Variants in ZNF846 observed in about 807,000 individuals in gnomAD.
The protein encoded by ZNF846 is zinc finger protein 846, also known as zinc finger protein 420 pseudogene.
In ZNF846, 15 loss-of-function variants were observed where a neutral mutation model predicts 16.0. The observed-to-expected ratio is 0.94, with a 90% CI of 0.63 to 1.45. ZNF846 has a LOEUF of 1.45. Ranked by LOEUF, ZNF846 falls within the 40% of genes most tolerant of loss-of-function variation. The pLI is 0.00. For synonymous variants in ZNF846, 229 were observed against 212.0 expected (o/e 1.08, Z -0.70); for missense variants, 714 against 622.3 (o/e 1.15, Z -1.57).
chr19:9,766,117 T>C (rs1477332346), intron 1 of ZNF846, among the ~76,000 whole-genome samples: 2 of 152,140 alleles, frequency 1.3e-5, no homozygotes, highest in African/African-American at 4.8e-5. Flanking sequence ...TTCATATCTT[T>C]GCTGAAGAAT....
upstream of ZNF846, among the ~76,000 whole-genome samples, chr19:9,773,052 C>G (rs1220540770): frequency 1.3e-5 from 2 of 151,888 alleles, no homozygotes; most frequent in Non-Finnish European, 2.9e-5. Flanking sequence ...TAGAGCCAGA[C>G]CTTGTCTAAA....
upstream of ZNF846, among the ~76,000 whole-genome samples, chr19:9,770,488 T>C (rs1169430716): frequency 6.6e-6 from 1 of 151,826 alleles, no homozygotes; most frequent in Non-Finnish European, 1.5e-5. Flanking sequence ...CTCTTTTTTT[T>C]TTTTTTTTGG....
chr19:9,782,977 A>C (rs2045516871), intron 1 of ZNF846, among the ~76,000 whole-genome samples: 1 of 151,686 alleles, frequency 6.6e-6, no homozygotes, highest in Non-Finnish European at 1.5e-5. Context: ...GATGGAGTGC[A>C]GTAGCATGAT....
intron 1 of ZNF846, among the ~76,000 whole-genome samples, chr19:9,780,053 T>TTTG: frequency 6.7e-6 from 1 of 148,366 alleles, no homozygotes; most frequent in African/African-American, 2.6e-5. Flanking sequence ...ATTTTGTTTT[T>TTTG]TTTTTTGTTT....
chr19:9,761,516 G>T (rs1169073035), intron 4 of ZNF846, among the ~76,000 whole-genome samples: 1 of 151,942 alleles, frequency 6.6e-6, no homozygotes, highest in Non-Finnish European at 1.5e-5. Context: ...TTCGAGAACA[G>T]CCTGGCCAAC....
At chr19:9,757,836 C>G in exon 6 of ZNF846, 1 of 1,613,360 alleles carries the variant, frequency 6.2e-7, no homozygotes, top group Non-Finnish European at 8.5e-7. Context: ...AGTGTGAATC[C>G]TTACATGTTG....
At chr19:9,751,470 C>T (rs541163653), downstream of ZNF846, among the ~76,000 whole-genome samples, 8 of 152,198 alleles carry the variant, frequency 5.3e-5, no homozygotes, top group Admixed American at 3.3e-4. Flanking sequence ...TTGTGACATC[C>T]CCGGCCCTTG....
downstream of ZNF846, chr19:9,755,466 A>T (rs1055897576): frequency 2.6e-5 from 4 of 151,498 alleles, no homozygotes. Flanking sequence ...TTATTCTTCC[A>T]GTGAGTATTT....
At chr19:9,782,950 C>G (rs968495572) in intron 1 of ZNF846, among the ~76,000 whole-genome samples, 1 of 151,098 alleles carries the variant, frequency 6.6e-6, no homozygotes, top group African/African-American at 2.4e-5. Context: ...GAGACAGGGT[C>G]TTGCTCTGTC....
At chr19:9,766,898 C>CAAAAA (rs939656218) in intron 1 of ZNF846, among the ~76,000 whole-genome samples, 3 of 92,756 alleles carry the variant, frequency 3.2e-5, no homozygotes, top group African/African-American at 1.1e-4. Context: ...GACTCTGTCT[C>CAAAAA]AAAAAAAAAA....
At chr19:9,757,491 G>T in exon 6 of ZNF846, 1 of 1,578,194 alleles carries the variant, frequency 6.3e-7, no homozygotes, top group Non-Finnish European at 8.6e-7. Context: ...TTTTTCACAT[G>T]CCTTAGTTCT....
downstream of ZNF846, among the ~76,000 whole-genome samples, chr19:9,754,244 C>T (rs2045112227): frequency 6.6e-6 from 1 of 151,452 alleles, no homozygotes; most frequent in African/African-American, 2.4e-5. Flanking sequence ...CATTATTTAA[C>T]TTTCAACCTT....
chr19:9,766,630 C>T (rs1421985274), intron 1 of ZNF846, among the ~76,000 whole-genome samples: 3 of 152,154 alleles, frequency 2.0e-5, no homozygotes, highest in Non-Finnish European at 2.9e-5. Context: ...GTAATCCCAG[C>T]ACTTTGGGAG....
chr19:9,750,490 C>T (rs922866793), downstream of ZNF846, among the ~76,000 whole-genome samples: 1 of 152,164 alleles, frequency 6.6e-6, no homozygotes, highest in African/African-American at 2.4e-5. Context: ...TTTCACTTTA[C>T]ATTTCCAGTT....
intron 1 of ZNF846, among the ~76,000 whole-genome samples, chr19:9,780,082 G>T (rs1006154792): frequency 7.1e-6 from 1 of 139,976 alleles, no homozygotes; most frequent in African/African-American, 2.9e-5. Flanking sequence ...GTAGAGATGA[G>T]GTCTCACTAT....
At chr19:9,780,351 G>A (rs2045490621) in intron 1 of ZNF846, among the ~76,000 whole-genome samples, 1 of 151,732 alleles carries the variant, frequency 6.6e-6, no homozygotes, top group South Asian at 2.1e-4. Context: ...CTACAGGCAT[G>A]TGCCACCACA....
At chr19:9,780,048 G>GTTTTTTTT (rs558280116) in intron 1 of ZNF846, among the ~76,000 whole-genome samples, 3 of 124,308 alleles carry the variant, frequency 2.4e-5, no homozygotes, top group African/African-American at 3.4e-5. Flanking sequence ...AGCTAATTTT[G>GTTTTTTTT]TTTTTTTTTT....
At chr19:9,784,697 C>G (rs578008717) in intron 1 of ZNF846, among the ~76,000 whole-genome samples, 29 of 152,232 alleles carry the variant, frequency 1.9e-4, no homozygotes, top group African/African-American at 7.0e-4. Context: ...GGGGGGAAAC[C>G]TTGGACAATA....
At chr19:9,769,707 G>A (rs547073787), upstream of ZNF846, among the ~76,000 whole-genome samples, 4 of 152,092 alleles carry the variant, frequency 2.6e-5, no homozygotes, top group Non-Finnish European at 5.9e-5. Context: ...TGGGGGCAGT[G>A]GCTCACGCCT....
Sources: gnomAD v4.1 joint callset for allele counts (sites outside exome capture counted in the v4.1 genomes callset) on GRCh38, gnomAD v4.1.1 for gene constraint, MANE v1.5 for transcripts, NCBI Gene and HGNC (gene_info 2026-07-23, HGNC 2026-07-21) for gene names.